ATP2B2: variants seen among roughly 807,000 people sequenced by gnomAD.
ATP2B2 encodes ATPase plasma membrane Ca2+ transporting 2, also known as plasma membrane calcium-transporting ATPase 2.
Under a neutral mutation model 120.0 loss-of-function variants are expected in ATP2B2, and 15 were observed. That is an observed-to-expected ratio of 0.12 (90% CI 0.08 to 0.19). ATP2B2 has a LOEUF of 0.19. Among genes scored for constraint, ATP2B2 ranks in the 10% least tolerant of loss-of-function variants. The probability of loss-of-function intolerance (pLI) is 1.00; values close to 1 mark genes in which losing one functional copy is unlikely to be tolerated. For missense variants in ATP2B2, 1,045 were observed against 1,719.8 expected (o/e 0.61, Z 6.94); for synonymous variants, 694 against 700.3 (o/e 0.99, Z 0.14).
Position 10,382,744 on chromosome 3 carries a change from C to G in ATP2B2, c.1000+2524G>C, listed in dbSNP as rs114430799. Among the ~76,000 whole-genome samples the G allele has an allele frequency of 7.5e-3, 1,147 of 152,154 alleles. 8 individuals carry two copies. Among genetic ancestry groups the G allele is most frequent in the African/African-American group, 0.026 (1,066 of 41,500 alleles). On this transcript the variant is annotated intron_variant, in intron 8 of 22. Transcript: ENST00000360273. Reference sequence around the variant, plus strand: ...CACTAGTAATGTAAAAGAAAAATAACTAAATAATAATGGCAATCATAATGC... The same window carrying G: ...CACTAGTAATGTAAAAGAAAAATAAGTAAATAATAATGGCAATCATAATGC...
At chr3:10,590,803 T>C (rs947011213) in intron 2 of ATP2B2, among the ~76,000 whole-genome samples, 1 of 152,214 alleles carries the variant, frequency 6.6e-6, no homozygotes, top group African/African-American at 2.4e-5. Flanking sequence ...CACCCGTGCA[T>C]GTGCCTTCAA....
intron 2 of ATP2B2, among the ~76,000 whole-genome samples, chr3:10,601,329 GC>G (rs2068914314): frequency 6.6e-6 from 1 of 152,156 alleles, no homozygotes; most frequent in South Asian, 2.1e-4. Flanking sequence ...AAGGGGGGCA[GC>G]CACTGGCTGG....
At chr3:10,629,799 A>G (rs1040658334) in intron 1 of ATP2B2, among the ~76,000 whole-genome samples, 4 of 152,238 alleles carry the variant, frequency 2.6e-5, no homozygotes, top group Non-Finnish European at 4.4e-5. Flanking sequence ...CTCACAAACT[A>G]TATTAATCTC....
At chr3:10,506,452 G>C (rs1339743019), upstream of ATP2B2, among the ~76,000 whole-genome samples, 1 of 152,202 alleles carries the variant, frequency 6.6e-6, no homozygotes, top group Non-Finnish European at 1.5e-5. Flanking sequence ...CAGGGACCCC[G>C]GGTGAGGAGT....
intron 1 of ATP2B2, among the ~76,000 whole-genome samples, chr3:10,627,502 C>T (rs1303156585): frequency 6.6e-6 from 1 of 152,130 alleles, no homozygotes; most frequent in African/African-American, 2.4e-5. Flanking sequence ...TCAGATCCTG[C>T]TCCTGCCACT....
chr3:10,612,353 G>A (rs546498696), intron 2 of ATP2B2, among the ~76,000 whole-genome samples: 2 of 152,276 alleles, frequency 1.3e-5, no homozygotes, highest in African/African-American at 4.8e-5. Flanking sequence ...GCCGAGTCCA[G>A]AGGCCATTTC....
rs556876797 is a variant in ATP2B2 at position 10,408,833 on chromosome 3, G to A, written c.397+1785C>T. 3.3e-5 allele frequency among the ~76,000 whole-genome samples: 5 copies of A among 152,296 alleles called. No homozygotes were observed. In the South Asian group the frequency reaches 1.0e-3, roughly 32 times the overall value. On this transcript the variant is annotated intron_variant, in intron 3 of 22. Coordinates refer to ENST00000360273, the MANE Select transcript of ATP2B2 (RefSeq NM_001001331.4). ...GAGTTCTAATCTTGTACTGAATTGG[G>A]TTGCATGAGGCCATGTATCCGAGCT...
Position 10,402,048 on chromosome 3 carries a change from G to A in ATP2B2, c.655+43C>T, listed in dbSNP as rs554280871. The A allele has an allele frequency of 1.9e-4, 310 of 1,609,268 alleles. 4 individuals carry two copies. The South Asian group carries it at 3.1e-3, about 16-fold the overall frequency. On this transcript the variant is annotated intron_variant, in intron 4 of 22. Coordinates refer to ENST00000360273, the MANE Select transcript of ATP2B2 (RefSeq NM_001001331.4). This position sits in a 1 kb window ranked among gnomAD's most constrained non-coding sequence, Gnocchi z 4.9. Reference sequence around the variant, plus strand: ...CAGCCTGGCCTGTCCCACCTCTGCCGGAATCCAGCTTTAGAACCTGGCTCT... The same window carrying A: ...CAGCCTGGCCTGTCCCACCTCTGCCAGAATCCAGCTTTAGAACCTGGCTCT...
intron 2 of ATP2B2, among the ~76,000 whole-genome samples, chr3:10,445,224 A>G (rs1198513889): frequency 6.6e-6 from 1 of 152,162 alleles, no homozygotes; most frequent in Non-Finnish European, 1.5e-5. Flanking sequence ...TCCTCACACC[A>G]TTTGCATGAG....
intron 5 of ATP2B2, among the ~76,000 whole-genome samples, chr3:10,393,935 G>A (rs2061943496): frequency 6.6e-6 from 1 of 152,226 alleles, no homozygotes. Context: ...CAGTCTCGGA[G>A]TCAAAGCCTT....
intron 1 of ATP2B2, among the ~76,000 whole-genome samples, chr3:10,487,429 A>C (rs17032988): frequency 0.03 from 4,565 of 152,284 alleles, 228 homozygotes; most frequent in African/African-American, 0.1. Flanking sequence ...TGCCTGGCTT[A>C]CCTTAGGATC....
chr3:10,387,932 T>TGGAAGCA (rs2061728936), intron 6 of ATP2B2: 6 of 351,280 alleles, frequency 1.7e-5, no homozygotes, highest in South Asian at 1.4e-4. Flanking sequence ...GGGTGGGGAT[T>TGGAAGCA]TCTACTCAAT....
intron 2 of ATP2B2, among the ~76,000 whole-genome samples, chr3:10,448,093 A>AAAT: frequency 1.3e-5 from 2 of 152,252 alleles, no homozygotes; most frequent in Admixed American, 1.3e-4. Context: ...TGCCAGGGCT[A>AAAT]GAGTCCAGCA....
chr3:10,487,187 C>T (rs17032978), intron 1 of ATP2B2, among the ~76,000 whole-genome samples: 7,810 of 152,230 alleles, frequency 0.051, 288 homozygotes, highest in Middle Eastern at 0.071. Flanking sequence ...ATGCTGGTCC[C>T]TTCCTTTCCT....
At chr3:10,499,013 A>C (rs932603588) in intron 1 of ATP2B2, among the ~76,000 whole-genome samples, 1 of 151,800 alleles carries the variant, frequency 6.6e-6, no homozygotes, top group Non-Finnish European at 1.5e-5. Flanking sequence ...GGTTTTTCCC[A>C]CTCCACTTTG....
chr3:10,410,121 T>C (rs962659102), intron 3 of ATP2B2, among the ~76,000 whole-genome samples: 2 of 152,216 alleles, frequency 1.3e-5, no homozygotes, highest in African/African-American at 4.8e-5. Context: ...AACCCCCTTT[T>C]CTGTGCCTTG....
intron 1 of ATP2B2, among the ~76,000 whole-genome samples, chr3:10,494,218 C>T (rs1575404359): frequency 6.6e-6 from 1 of 152,092 alleles, no homozygotes; most frequent in South Asian, 2.1e-4. Context: ...AAGGTGCTCC[C>T]TCCCTACTCT....
intron 2 of ATP2B2, among the ~76,000 whole-genome samples, chr3:10,588,501 T>C (rs373189745): frequency 6.6e-6 from 1 of 152,194 alleles, no homozygotes; most frequent in Non-Finnish European, 1.5e-5. Flanking sequence ...GGCCGGGCAC[T>C]GAGGCCATAC....
chr3:10,430,490 TGTG>T (rs1368817255), intron 2 of ATP2B2, among the ~76,000 whole-genome samples: 1 of 152,166 alleles, frequency 6.6e-6, no homozygotes, highest in Non-Finnish European at 1.5e-5. Context: ...TCACTGCAGA[TGTG>T]GTGAAAATAG....
Sources: allele counts gnomAD v4.1 joint callset (sites outside exome capture counted in the v4.1 genomes callset), GRCh38; gene constraint gnomAD v4.1.1; non-coding constraint Gnocchi (gnomAD v3.1); transcripts MANE v1.5; gene names NCBI Gene and HGNC (gene_info 2026-07-23, HGNC 2026-07-21).